Variants in COL22A1 observed in about 807,000 individuals in gnomAD.
The protein encoded by COL22A1 is collagen alpha-1(XXII) chain.
Under a neutral mutation model 248.9 loss-of-function variants are expected in COL22A1, and 221 were observed. The observed-to-expected ratio is 0.89, with a 90% CI of 0.80 to 0.99. The LOEUF (loss-of-function observed/expected upper bound fraction) is 0.99. Among genes scored for constraint, COL22A1 ranks in the 50% least tolerant of loss-of-function variants. COL22A1 has a pLI of 0.00. For synonymous variants in COL22A1, 891 were observed against 793.4 expected (o/e 1.12, Z -2.07); for missense variants, 2,240 against 2,179.0 (o/e 1.03, Z -0.56).
chr8:138,688,023 G>A (rs1371011153), intron 37 of COL22A1, among the ~76,000 whole-genome samples: 1 of 152,168 alleles, frequency 6.6e-6, no homozygotes, highest in Non-Finnish European at 1.5e-5. Context: ...TTTGACTCAG[G>A]TCCAAACGCT....
chr8:138,737,463 G>T lies in COL22A1; in HGVS notation c.2139+61C>A, dbSNP rs1241628212. On this transcript the variant is annotated intron_variant, in intron 23 of 64. Coordinates refer to ENST00000303045, the MANE Select transcript of COL22A1 (RefSeq NM_152888.3). ...CTGCCCACCTGAGAGCTGCTGCCTG[G>T]TCATTTATTTAATCAGAGAAAAGCA... The T allele has an allele frequency of 9.9e-6, 12 of 1,215,822 alleles. No individual in the cohort carries two copies. The African/African-American group carries it at 1.5e-4, about 15-fold the overall frequency. The allele number at this position is 1,215,822 out of a possible 1,614,324, so 75.3% of individuals were successfully genotyped here.
chr8:138,606,387 C>T lies in COL22A1; in HGVS notation c.4098G>A (p.Gly1366=). 6.2e-7 allele frequency: 1 copy of T among 1,612,582 alleles called. No individual in the cohort carries two copies. The highest frequency in any genetic ancestry group is 1.6e-4 in the Middle Eastern group (1 of 6,062). The change falls in exon 58 of 65, where the codon GGG becomes GGA. Residue 1366 remains glycine, a synonymous_variant. Coordinates refer to ENST00000303045, the MANE Select transcript of COL22A1 (RefSeq NM_152888.3). ...ACTGGGGTTCTCTGCTTACCGGAGG[C>T]CCACGGGGACCCAGGAAGCCAGGAA... ...PGLPGFLGPR[G]PPGEPGEKGV...
intron 2 of COL22A1, among the ~76,000 whole-genome samples, chr8:138,880,264 C>G (rs1232157387): frequency 1.3e-5 from 2 of 152,090 alleles, no homozygotes; most frequent in Admixed American, 6.6e-5. Flanking sequence ...ATACACTTTT[C>G]CAATATACCA....
At chr8:138,771,196 C>T (rs1185891768) in intron 16 of COL22A1, among the ~76,000 whole-genome samples, 1 of 152,188 alleles carries the variant, frequency 6.6e-6, no homozygotes, top group Non-Finnish European at 1.5e-5. Flanking sequence ...TGAGGTTACT[C>T]CCTGCACCTC....
At position 138,777,481 on chromosome 8, in the gene COL22A1, A is replaced by G. The variant is rs369063077; in HGVS notation, c.1758+872T>C. Among the ~76,000 whole-genome samples, 7 of 152,318 alleles carry G rather than the reference A, an allele frequency of 4.6e-5. No homozygotes were observed. In the East Asian group the frequency reaches 7.7e-4, roughly 17 times the overall value. On this transcript the variant is annotated intron_variant, in intron 15 of 64. Coordinates refer to ENST00000303045, the MANE Select transcript of COL22A1 (RefSeq NM_152888.3). ...CATTTATCTATGTTTTAAGCCCTGC[A>G]TGCATTAGATATTTGTCCTAATGCT...
intron 53 of COL22A1, among the ~76,000 whole-genome samples, chr8:138,618,984 T>C (rs899070483): frequency 1.3e-5 from 2 of 152,166 alleles, no homozygotes; most frequent in African/African-American, 4.8e-5. Flanking sequence ...AAAACTTTAC[T>C]TCTTTGTTAT....
At chr8:138,689,588 C>T (rs1236329696) in intron 36 of COL22A1, among the ~76,000 whole-genome samples, 1 of 152,026 alleles carries the variant, frequency 6.6e-6, no homozygotes, top group Non-Finnish European at 1.5e-5. Context: ...GGAGGCACGC[C>T]CCTGTAATCC....
chr8:138,679,447 T>C (rs1049407140), intron 40 of COL22A1, among the ~76,000 whole-genome samples, 170 bp downstream of exon 40: 2 of 152,212 alleles, frequency 1.3e-5, no homozygotes, highest in African/African-American at 4.8e-5. Flanking sequence ...TCTTCTGTTT[T>C]GTATACATGC....
chr8:138,592,972 G>A (rs956058079), intron 63 of COL22A1, among the ~76,000 whole-genome samples: 1 of 152,068 alleles, frequency 6.6e-6, no homozygotes, highest in Admixed American at 6.5e-5. Flanking sequence ...CAACCCAAAT[G>A]CCCATCAATG....
At chr8:138,763,985 C>T (rs966753984) in intron 16 of COL22A1, among the ~76,000 whole-genome samples, 3 of 152,252 alleles carry the variant, frequency 2.0e-5, no homozygotes, top group Non-Finnish European at 2.9e-5. Flanking sequence ...CTGACATTTA[C>T]TGAATGACTG....
intron 41 of COL22A1, among the ~76,000 whole-genome samples, chr8:138,664,215 A>G (rs71512393): frequency 0.36 from 30,524 of 85,472 alleles, 4,739 homozygotes; most frequent in Non-Finnish European, 0.48. Flanking sequence ...GCGCGCACAC[A>G]CACACACACA....
intron 3 of COL22A1, among the ~76,000 whole-genome samples, chr8:138,852,319 T>G (rs1476770598): frequency 6.6e-6 from 1 of 151,474 alleles, no homozygotes; most frequent in Non-Finnish European, 1.5e-5. Flanking sequence ...TTCCTTGTGG[T>G]GGGGGTAGAG....
chr8:138,890,564 C>T (rs1824990431), intron 1 of COL22A1, among the ~76,000 whole-genome samples: 1 of 152,122 alleles, frequency 6.6e-6, no homozygotes, highest in Non-Finnish European at 1.5e-5. Flanking sequence ...CCTTCTGCCT[C>T]AGCCTCCCAA....
chr8:138,691,688 A>G (rs146417569), intron 35 of COL22A1, among the ~76,000 whole-genome samples: 54 of 3,232 alleles, frequency 0.017, no homozygotes, highest in Admixed American at 0.027. Flanking sequence ...TGTACAGTGC[A>G]TGTGTGCATA....
intron 1 of COL22A1, among the ~76,000 whole-genome samples, chr8:138,888,617 G>A (rs1178095947): frequency 6.6e-6 from 1 of 152,190 alleles, no homozygotes; most frequent in Non-Finnish European, 1.5e-5. Flanking sequence ...GGGTATAATA[G>A]TCTGAATGAC....
intron 52 of COL22A1, among the ~76,000 whole-genome samples, chr8:138,622,295 T>C (rs1011513934): frequency 6.6e-6 from 1 of 152,204 alleles, no homozygotes; most frequent in Non-Finnish European, 1.5e-5. Flanking sequence ...GGCAAGTTGG[T>C]ATATTATTCT....
chr8:138,618,746 A>AT (rs1199855528), intron 53 of COL22A1, among the ~76,000 whole-genome samples: 5 of 152,148 alleles, frequency 3.3e-5, no homozygotes, highest in South Asian at 2.1e-4. Flanking sequence ...TTAAAATCAT[A>AT]TTTTTTTCTA....
intron 56 of COL22A1, among the ~76,000 whole-genome samples, chr8:138,612,167 T>C (rs1326835301): frequency 1.3e-5 from 2 of 151,902 alleles, no homozygotes; most frequent in South Asian, 2.1e-4. Flanking sequence ...TGGGTGGGGG[T>C]GAAAAGGGAA....
At chr8:138,742,064 T>G (rs1255217530) in intron 22 of COL22A1, among the ~76,000 whole-genome samples, 2 of 131,546 alleles carry the variant, frequency 1.5e-5, no homozygotes, top group Non-Finnish European at 3.3e-5. Context: ...GATGGTAGAG[T>G]TGATGGTGAT....
Sources: gnomAD v4.1 joint callset for allele counts (sites outside exome capture counted in the v4.1 genomes callset) on GRCh38, gnomAD v4.1.1 for gene constraint, MANE v1.5 for transcripts, NCBI Gene and HGNC (gene_info 2026-07-23, HGNC 2026-07-21) for gene names.